REV3L: variants seen among roughly 807,000 people sequenced by gnomAD.
The protein encoded by REV3L is REV3 like, DNA directed polymerase zeta catalytic subunit, also known as DNA polymerase zeta catalytic subunit.
Under a neutral mutation model 299.4 loss-of-function variants are expected in REV3L, and 69 were observed. The ratio of observed to expected loss-of-function variants is 0.23; its 90% CI spans 0.19 to 0.28. REV3L has a LOEUF of 0.28. Among genes scored for constraint, REV3L ranks in the 10% least tolerant of loss-of-function variants. REV3L has a pLI of 1.00. For synonymous variants in REV3L, 1,238 were observed against 1,271.4 expected (o/e 0.97, Z 0.56); for missense variants, 3,128 against 3,693.8 (o/e 0.85, Z 3.97).
Position 111,357,031 on chromosome 6 carries a change from A to G in REV3L, c.7167T>C (p.Ile2389=). The change falls in exon 18 of 32, where the codon ATT becomes ATC. Residue 2389 remains isoleucine (I), a synonymous_variant. Coordinates refer to ENST00000368802, the MANE Select transcript of REV3L (RefSeq NM_001372078.1). ...AACAATACCTCTTTATTATATTTGCAATTTCATGAAAAAGTGCCTTCTCAT... is the reference window on the plus strand; with the variant it reads ...AACAATACCTCTTTATTATATTTGCGATTTCATGAAAAAGTGCCTTCTCAT... The part of the protein sequence containing the change: ...AADEKALFHE[I]ANIIKRYDPD... 2 of 1,591,640 alleles carry G rather than the reference A, an allele frequency of 1.3e-6. No individual in the cohort carries two copies. Among genetic ancestry groups the G allele is most frequent in the Non-Finnish European group, 1.7e-6 (2 of 1,166,086 alleles).
intron 31 of REV3L, among the ~76,000 whole-genome samples, chr6:111,304,284 T>C (rs1308370687): frequency 2.7e-5 from 4 of 148,716 alleles, no homozygotes; most frequent in African/African-American, 9.8e-5. Flanking sequence ...ATTTAAAACA[T>C]TCTAGAAACA....
chr6:111,384,429 C>T (rs1028934872), intron 9 of REV3L, among the ~76,000 whole-genome samples: 5 of 151,986 alleles, frequency 3.3e-5, no homozygotes, highest in African/African-American at 9.7e-5. Flanking sequence ...ATTAAAAAAT[C>T]GGCAAAAGAT....
At chr6:111,317,384 CTTAG>C (rs539800855) in intron 26 of REV3L, among the ~76,000 whole-genome samples, 27 of 152,218 alleles carry the variant, frequency 1.8e-4, no homozygotes, top group African/African-American at 5.1e-4. Context: ...ATAAAAATGC[CTTAG>C]TTAATTAGAC....
In REV3L at chr6:111,452,310, T is replaced by C. The variant is rs1021581929; in HGVS notation, c.139+30440A>G. Reference sequence around the variant, plus strand: ...GGGAAAAAAATCTGGCTGTTTCTTATGAAGTAAACTTACCATTCAACCCAA... The same window carrying C: ...GGGAAAAAAATCTGGCTGTTTCTTACGAAGTAAACTTACCATTCAACCCAA... On this transcript the variant is annotated intron_variant, in intron 1 of 31. Transcript: ENST00000368802. Among the ~76,000 whole-genome samples, 11 of 152,312 alleles carry C rather than the reference T, an allele frequency of 7.2e-5. No homozygotes were observed. In the East Asian group the frequency reaches 1.9e-3, roughly 27 times the overall value.
intron 13 of REV3L, among the ~76,000 whole-genome samples, chr6:111,371,608 C>T (rs375488318): frequency 6.6e-6 from 1 of 150,474 alleles, no homozygotes; most frequent in South Asian, 2.1e-4. Flanking sequence ...ATTGCCCAGG[C>T]AACAAAGTGC....
intron 4 of REV3L, among the ~76,000 whole-genome samples, chr6:111,394,106 A>G (rs1206772765): frequency 1.3e-5 from 2 of 152,182 alleles, no homozygotes; most frequent in Admixed American, 6.5e-5. Context: ...GGTGTAGGTT[A>G]TCTATCTTTG....
At position 111,373,771 on chromosome 6, in the gene REV3L, T is replaced by A. The variant is rs993818526; in HGVS notation, c.4584A>T (p.Ala1528=). ...TTTTTTGTAACAATTCTTTTAGAAC[T>A]GCCAGTCCAGACTGTCCTTCACCAA... The part of the protein sequence containing the change: ...SAFGEGQSGL[A]VLKELLQKRQ... Residue 1528 remains alanine (A), a synonymous_variant, in exon 13 of 32, where the codon GCA becomes GCT. Coordinates refer to ENST00000368802, the MANE Select transcript of REV3L (RefSeq NM_001372078.1). 10 of 1,614,030 alleles carry A rather than the reference T, an allele frequency of 6.2e-6. No homozygotes were observed. The highest frequency in any genetic ancestry group is 4.0e-5 in the African/African-American group (3 of 74,940).
Position 111,368,015 on chromosome 6 carries a change from G to A in REV3L, c.5773C>T (p.Arg1925Trp), listed in dbSNP as rs1447702892. ...AGTCGAGTTTCTACCATGAGGAGCCGTCCACCAATCTCCCTATAATAACAT... is the reference window on the plus strand; with the variant it reads ...AGTCGAGTTTCTACCATGAGGAGCCATCCACCAATCTCCCTATAATAACAT... ...VPEKPREIGG[R>W]LLMVETRLAN... The change falls in exon 14 of 32, where the codon CGG (arginine) becomes TGG (tryptophan). Residue 1925 changes from arginine (R) to tryptophan (W), a missense_variant. Transcript: ENST00000368802. The A allele has an allele frequency of 2.5e-6, 4 of 1,604,558 alleles. No individual in the cohort carries two copies. Among genetic ancestry groups the A allele is most frequent in the East Asian group, 2.2e-5 (1 of 44,824 alleles).
At chr6:111,445,525 G>T (rs1788739778) in intron 1 of REV3L, among the ~76,000 whole-genome samples, 1 of 152,034 alleles carries the variant, frequency 6.6e-6, no homozygotes. Context: ...AATAAATTAG[G>T]GGGATATACC....
chr6:111,311,222 C>G lies in REV3L; in HGVS notation c.8642G>C (p.Arg2881Thr). The G allele has an allele frequency of 6.2e-7, 1 of 1,610,420 alleles. No individual in the cohort carries two copies. Residue 2881 changes from arginine (R) to threonine (T), a missense_variant, in exon 29 of 32, where the codon AGA (arginine) becomes ACA (threonine). Arg to Thr is a moderately conservative substitution (Grantham distance 71). This residue lies in a region of REV3L where 294 missense variants were observed against 377.0 expected (regional missense o/e 0.78). Transcript: ENST00000368802. ...ERSLKLLFETRDISLIKQYVQ... is the reference protein window; with the variant it reads ...ERSLKLLFETTDISLIKQYVQ... Reference sequence around the variant, plus strand: ...ATACTGTTTAATTAGACTTATATCTCTCGTTTCAAATAGCAGCTTTAGAGA... The same window carrying G: ...ATACTGTTTAATTAGACTTATATCTGTCGTTTCAAATAGCAGCTTTAGAGA...
chr6:111,443,446 G>C (rs1350282777), intron 1 of REV3L, among the ~76,000 whole-genome samples: 1 of 152,142 alleles, frequency 6.6e-6, no homozygotes, highest in Non-Finnish European at 1.5e-5. Context: ...GTAGATACCT[G>C]CTTATATGTG....
chr6:111,357,174 T>C (rs943995601), intron 17 of REV3L, 49 bp from the exon 18 acceptor site: 1 of 635,536 alleles, frequency 1.6e-6, no homozygotes, highest in Admixed American at 3.8e-5. Context: ...TATAATAATA[T>C]ACCTTCATAA....
At chr6:111,302,214 G>A (rs1417382242) in intron 31 of REV3L, among the ~76,000 whole-genome samples, 1 of 152,224 alleles carries the variant, frequency 6.6e-6, no homozygotes, top group Non-Finnish European at 1.5e-5. Context: ...CATGAAGACT[G>A]AGTATGCTGT....
intron 25 of REV3L, among the ~76,000 whole-genome samples, chr6:111,323,795 A>T (rs1191962495): frequency 2.6e-5 from 4 of 151,330 alleles, no homozygotes; most frequent in African/African-American, 9.7e-5. Flanking sequence ...CAAACTGCAC[A>T]TTTTTTTTTG....
In REV3L at chr6:111,367,495, G is replaced by A. The variant is rs1212964192; in HGVS notation, c.6293C>T (p.Ala2098Val). 3 of 1,609,194 alleles carry A rather than the reference G, an allele frequency of 1.9e-6. No homozygotes were observed. The East Asian group carries it at 6.7e-5, about 36-fold the overall frequency. ...ATCTTTTTCGGGATCACTTGCAGAG[G>A]CAACTGGTGGCAGCATCTGACTTTC... Reference protein sequence around the residue: ...ASESQMLPPVASASDPEKDED... With the variant: ...ASESQMLPPVVSASDPEKDED... Residue 2098 changes from alanine to valine, a missense_variant, in exon 14 of 32, where the codon GCC becomes GTC. Ala to Val is a moderately conservative substitution (Grantham distance 64). Transcript: ENST00000368802.
chr6:111,382,860 A>G (rs996402618), intron 9 of REV3L, among the ~76,000 whole-genome samples: 1 of 152,108 alleles, frequency 6.6e-6, no homozygotes, highest in African/African-American at 2.4e-5. Flanking sequence ...CCACAAGAGG[A>G]CAGGAGAGGA....
At chr6:111,309,802 GGAGTGAAAT>G in intron 30 of REV3L, 42 bp downstream of exon 30, 1 of 1,566,012 alleles carries the variant, frequency 6.4e-7, no homozygotes, top group Non-Finnish European at 8.7e-7. Flanking sequence ...CTGAAAATTT[GGAGTGAAAT>G]CTCTCCATAG....
chr6:111,307,679 T>G, intron 30 of REV3L, 109 bp from the exon 31 acceptor site: 1 of 985,928 alleles, frequency 1.0e-6, no homozygotes, highest in South Asian at 1.5e-5. Context: ...GTTCATTCAC[T>G]CATTCAACAA....
At chr6:111,335,721 A>G in intron 21 of REV3L, 111 bp from the exon 22 acceptor site, 3 of 1,097,936 alleles carry the variant, frequency 2.7e-6, no homozygotes, top group Non-Finnish European at 3.8e-6. Context: ...TTACTTAAGG[A>G]AAGAGTAATG....
Sources: gnomAD v4.1 joint callset for allele counts (sites outside exome capture counted in the v4.1 genomes callset) on GRCh38, gnomAD v4.1.1 for gene constraint, gnomAD v4.1.1 regional missense constraint, MANE v1.5 for transcripts, NCBI Gene and HGNC (gene_info 2026-07-23, HGNC 2026-07-21) for gene names.